Variants in ANKS6 observed in about 807,000 individuals in gnomAD.
ANKS6 encodes the protein ankyrin repeat and sterile alpha motif domain containing 6, also known as ankyrin repeat and SAM domain-containing protein 6.
A neutral mutation model predicts 77.9 loss-of-function variants in ANKS6; 47 were observed. The observed-to-expected ratio is 0.60, with a 90% CI of 0.48 to 0.77. The LOEUF (loss-of-function observed/expected upper bound fraction) is 0.77, where lower values mean the gene tolerates loss of function less well. Among genes scored for constraint, ANKS6 ranks in the 30% least tolerant of loss-of-function variants. The pLI, the probability that ANKS6 is intolerant of heterozygous loss-of-function variation, is 0.00. For missense variants in ANKS6, 1,150 were observed against 1,159.1 expected (o/e 0.99, Z 0.11); for synonymous variants, 488 against 501.7 (o/e 0.97, Z 0.37).
intron 12 of ANKS6, among the ~76,000 whole-genome samples, chr9:98,755,683 T>C (rs1361460378): frequency 6.6e-6 from 1 of 152,094 alleles, no homozygotes; most frequent in Admixed American, 6.5e-5. Context: ...CCAATACACA[T>C]ATGTCAGTAG....
chr9:98,752,286 A>G (rs1391504918), intron 12 of ANKS6, among the ~76,000 whole-genome samples: 4 of 152,262 alleles, frequency 2.6e-5, no homozygotes, highest in Admixed American at 1.3e-4. Context: ...TATCTGGAGT[A>G]AGAGCATTAG....
At chr9:98,768,014 C>T (rs1238840317) in intron 11 of ANKS6, 67 bp downstream of exon 11, 27 of 1,525,294 alleles carry the variant, frequency 1.8e-5, no homozygotes, top group East Asian at 2.4e-5. Context: ...CCATGCTTCC[C>T]GGCAAGTGGC....
rs1826643501 is a variant in ANKS6 at position 98,734,097 on chromosome 9, C to T, written c.*2422G>A. ...TCCACACATGCCCCCGCTGGGGTGC[C>T]CTTTCTCTTCCCTGCCTACCAGCCG... On this transcript the variant is annotated 3_prime_UTR_variant, in exon 15 of 15. Coordinates refer to ENST00000353234, the MANE Select transcript of ANKS6 (RefSeq NM_173551.5). 1.0e-6 allele frequency: 1 copy of T among 985,486 alleles called. No individual in the cohort carries two copies. The highest frequency in any genetic ancestry group is 1.2e-6 in the Non-Finnish European group (1 of 829,988). The allele number at this position is 985,486 out of a possible 1,614,324, so 61.0% of individuals were successfully genotyped here. A position where few individuals can be genotyped will look rare whatever the true frequency, so the allele number is the denominator to read the frequency against.
intron 2 of ANKS6, among the ~76,000 whole-genome samples, chr9:98,786,897 G>A (rs945875111): frequency 6.6e-6 from 1 of 152,146 alleles, no homozygotes; most frequent in African/African-American, 2.4e-5. Context: ...GACACCCAGT[G>A]ACTCTGGGCA....
chr9:98,743,611 C>T (rs1390466716), intron 14 of ANKS6, among the ~76,000 whole-genome samples: 1 of 152,192 alleles, frequency 6.6e-6, no homozygotes, highest in Non-Finnish European at 1.5e-5. Context: ...GCACCACCTG[C>T]CTCTCCTTTA....
In ANKS6 at chr9:98,736,076, A is replaced by G; in HGVS notation, c.*443T>C. The G allele has an allele frequency of 8.6e-7, 1 of 1,169,258 alleles. No homozygotes were observed. Among genetic ancestry groups the G allele is most frequent in the Non-Finnish European group, 1.1e-6 (1 of 947,636 alleles). The allele number at this position is 1,169,258 out of a possible 1,614,324, so 72.4% of individuals were successfully genotyped here. On this transcript the variant is annotated 3_prime_UTR_variant, in exon 15 of 15. Transcript: ENST00000353234. ...GCACATCCTGGCCTCCTCTGCATCC[A>G]GGTGGGGCCACATGACTACCAGTGG...
chr9:98,773,147 G>A (rs1833729501), intron 9 of ANKS6, among the ~76,000 whole-genome samples: 1 of 152,212 alleles, frequency 6.6e-6, no homozygotes, highest in Non-Finnish European at 1.5e-5. Context: ...CCTGTTTTGA[G>A]AGCATCTCCA....
chr9:98,765,365 C>T (rs1833215417), intron 11 of ANKS6, among the ~76,000 whole-genome samples: 2 of 152,206 alleles, frequency 1.3e-5, no homozygotes, highest in African/African-American at 4.8e-5. Context: ...ATGACATCAT[C>T]TCTACCCCTC....
intron 9 of ANKS6, among the ~76,000 whole-genome samples, chr9:98,773,364 T>A (rs1833742283): frequency 6.6e-6 from 1 of 152,216 alleles, no homozygotes; most frequent in Non-Finnish European, 1.5e-5. Flanking sequence ...TACACACAGA[T>A]ACCTTCCACA....
chr9:98,783,917 TG>T, intron 4 of ANKS6, 35 bp downstream of exon 4: 1 of 1,504,768 alleles, frequency 6.6e-7, no homozygotes, highest in Non-Finnish European at 8.9e-7. Flanking sequence ...AGCATCTGTC[TG>T]GCCTTGTCGC....
At chr9:98,792,701 C>A (rs1303609796) in intron 1 of ANKS6, among the ~76,000 whole-genome samples, 1 of 151,838 alleles carries the variant, frequency 6.6e-6, no homozygotes, top group Non-Finnish European at 1.5e-5. Context: ...CTTAATAAAC[C>A]CCGAGATAAA....
rs1831360396 is a variant in ANKS6 at position 98,734,144 on chromosome 9, G to T, written c.*2375C>A. On this transcript the variant is annotated 3_prime_UTR_variant, in exon 15 of 15. Transcript: ENST00000353234. ...GCCGCATCCAAACATCCCCAGAAAG[G>T]GTGCCAGGGACCTCTTGTGAACCAG... The T allele has an allele frequency of 3.0e-6, 3 of 985,346 alleles. No individual in the cohort carries two copies. Among genetic ancestry groups the T allele is most frequent in the East Asian group, 1.1e-4 (1 of 8,828 alleles). The allele number at this position is 985,346 out of a possible 1,614,324, so 61.0% of individuals were successfully genotyped here. A position where few individuals can be genotyped will look rare whatever the true frequency, so the allele number is the denominator to read the frequency against.
intron 6 of ANKS6, among the ~76,000 whole-genome samples, chr9:98,779,261 G>GA (rs1319566232): frequency 1.3e-5 from 2 of 152,192 alleles, no homozygotes; most frequent in Admixed American, 1.3e-4. Context: ...AATCCAAAGA[G>GA]AAAGTCTCAG....
chr9:98,757,118 T>C (rs182025927), intron 11 of ANKS6, among the ~76,000 whole-genome samples: 1 of 152,368 alleles, frequency 6.6e-6, no homozygotes, highest in East Asian at 1.9e-4. Context: ...ATAGAAGAGC[T>C]GCACAGAGAG....
intron 4 of ANKS6, among the ~76,000 whole-genome samples, chr9:98,782,898 C>T (rs893193427): frequency 3.3e-5 from 5 of 152,038 alleles, no homozygotes; most frequent in African/African-American, 1.2e-4. Context: ...GCCTGGGCAA[C>T]ATGGGGGGCC....
rs559683528 is a variant in ANKS6, at chr9:98,773,787, T to A, written c.1821+90A>T. The A allele has an allele frequency of 1.4e-4, 171 of 1,244,958 alleles. 1 individual carries two copies. In the African/African-American group the frequency reaches 2.5e-3, roughly 18 times the overall value. 77.1% of individuals were successfully genotyped at this position (1,244,958 alleles called of 1,614,324 possible). A position where few individuals can be genotyped will look rare whatever the true frequency, so the allele number is the denominator to read the frequency against. On this transcript the variant is annotated intron_variant, in intron 9 of 14. Coordinates refer to ENST00000353234, the MANE Select transcript of ANKS6 (RefSeq NM_173551.5). ...AAAAAAAAGTTGCAACCCCTCTGGATTCGTCGGTTTGAGGTCCCGCTGCCT... is the reference window on the plus strand; with the variant it reads ...AAAAAAAAGTTGCAACCCCTCTGGAATCGTCGGTTTGAGGTCCCGCTGCCT...
chr9:98,795,952 A>T, intron 1 of ANKS6, 181 bp downstream of exon 1: 1 of 588,086 alleles, frequency 1.7e-6, no homozygotes, highest in Non-Finnish European at 2.5e-6. Context: ...ATTTTATGTT[A>T]ATTCAAAAGT....
intron 14 of ANKS6, among the ~76,000 whole-genome samples, chr9:98,741,207 AAG>A (rs897452462): frequency 5.9e-5 from 9 of 152,360 alleles, no homozygotes; most frequent in African/African-American, 1.7e-4. Context: ...TTATATGAAA[AAG>A]AGTTCTTAAT....
intron 2 of ANKS6, among the ~76,000 whole-genome samples, chr9:98,787,082 A>G (rs956125014): frequency 6.6e-6 from 1 of 152,186 alleles, no homozygotes; most frequent in Non-Finnish European, 1.5e-5. Flanking sequence ...TCCTGCTGCT[A>G]ATGAAAGGCA....
Sources: allele counts gnomAD v4.1 joint callset (sites outside exome capture counted in the v4.1 genomes callset), GRCh38; gene constraint gnomAD v4.1.1; transcripts MANE v1.5; gene names NCBI Gene and HGNC (gene_info 2026-07-23, HGNC 2026-07-21).